The following PCDHGB1 variants were observed in gnomAD, a reference collection of about 807,000 sequenced individuals.
The protein encoded by PCDHGB1 is protocadherin gamma-B1.
PCDHGB1 carries 34 observed loss-of-function variants against 56.6 expected under a neutral mutation model. That is an observed-to-expected ratio of 0.60 (90% CI 0.46 to 0.80). PCDHGB1 has a LOEUF of 0.80. Among genes scored for constraint, PCDHGB1 ranks in the 30% least tolerant of loss-of-function variants. The probability of loss-of-function intolerance (pLI) is 0.00; values close to 1 mark genes in which losing one functional copy is unlikely to be tolerated. For synonymous variants in PCDHGB1, 561 were observed against 505.9 expected, an observed-to-expected ratio of 1.11 and a Z score of -1.46; for missense variants, 1,278 against 1,204.6, an observed-to-expected ratio of 1.06 and a Z score of -0.90.
rs752401867 is a variant in PCDHGB1, at chr5:141,511,224, G to A, written c.*51G>A. On this transcript the variant is annotated 3_prime_UTR_variant, in exon 4 of 4. Transcript: ENST00000523390. ...GGGCGGCCTCTCCCCAACCAGCCCA[G>A]CTTCTCCTTACCTGCACCCAGGCCT... 1.2e-6 allele frequency: 2 copies of A among 1,603,276 alleles called. No homozygotes were observed.
At chr5:141,388,580 G>T (rs376569160) in intron 1 of PCDHGB1, 1 of 1,613,868 alleles carries the variant, frequency 6.2e-7, no homozygotes, top group Admixed American at 1.7e-5. Flanking sequence ...ACGTTCTAGT[G>T]ACTGATGCCA....
intron 1 of PCDHGB1, chr5:141,392,124 A>G (rs1448052063): frequency 1.3e-5 from 2 of 152,226 alleles, no homozygotes; most frequent in Admixed American, 1.3e-4. Flanking sequence ...GAAAGCTTGT[A>G]AAATGATTAA....
rs757947581 is a variant in PCDHGB1 at position 141,361,996 on chromosome 5, T to G, written c.2409+9327T>G. 7 of 1,603,066 alleles carry G rather than the reference T, an allele frequency of 4.4e-6. No individual in the cohort carries two copies. The African/African-American group carries it at 8.0e-5, about 18-fold the overall frequency. ...CGAGCCCGGGCTCTTCAGCCTGGGG[T>G]TGCGCACGGGTGAGGTGCGCACAGC... is the stretch of plus-strand genomic sequence containing the variant. On this transcript the variant is annotated intron_variant, in intron 1 of 3. Transcript: ENST00000523390.
chr5:141,390,346 A>C, intron 1 of PCDHGB1: 1 of 1,576,446 alleles, frequency 6.3e-7, no homozygotes, highest in African/African-American at 1.4e-5. Context: ...TCACAAGAAA[A>C]TATACATATT....
chr5:141,399,590 T>G, intron 1 of PCDHGB1: 1 of 1,613,972 alleles, frequency 6.2e-7, no homozygotes, highest in East Asian at 2.2e-5. Context: ...TACTCTATCA[T>G]GGCCAGCGAC....
At chr5:141,452,281 T>C (rs948141174) in intron 1 of PCDHGB1, among the ~76,000 whole-genome samples, 1 of 152,232 alleles carries the variant, frequency 6.6e-6, no homozygotes, top group African/African-American at 2.4e-5. Flanking sequence ...CCTTTCTTAC[T>C]TTCTGATATA....
chr5:141,352,232 C>T lies in PCDHGB1; in HGVS notation c.1972C>T (p.Leu658=). The T allele has an allele frequency of 6.2e-7, 1 of 1,614,086 alleles. No individual in the cohort carries two copies. The highest frequency in any genetic ancestry group is 8.5e-7 in the Non-Finnish European group (1 of 1,179,904). The part of the protein sequence containing the change: ...PPLSATATLH[L]IFADSLQEVL... ...ACTCTCCGCCACCGCCACGCTGCACCTAATCTTCGCGGATAGCCTGCAAGA... is the reference window on the plus strand; with the variant it reads ...ACTCTCCGCCACCGCCACGCTGCACTTAATCTTCGCGGATAGCCTGCAAGA... Residue 658 remains leucine, a synonymous_variant, in exon 1 of 4, where the codon CTA becomes TTA. Coordinates refer to ENST00000523390, the MANE Select transcript of PCDHGB1 (RefSeq NM_018922.3).
At chr5:141,409,988 GC>G in intron 1 of PCDHGB1, 1 of 1,613,278 alleles carries the variant, frequency 6.2e-7, no homozygotes, top group Non-Finnish European at 8.5e-7. Flanking sequence ...AGCGGTGGAC[GC>G]CGACTCGGGA....
At chr5:141,507,558 G>A (rs573728108) in intron 3 of PCDHGB1, among the ~76,000 whole-genome samples, 57 of 152,346 alleles carry the variant, frequency 3.7e-4, no homozygotes, top group African/African-American at 1.3e-3. Context: ...AGTGGCAGGC[G>A]GCTGGGTCTG....
chr5:141,360,377 G>C (rs1761565545), intron 1 of PCDHGB1: 1 of 1,613,920 alleles, frequency 6.2e-7, no homozygotes, highest in African/African-American at 1.3e-5. Context: ...AACCCAGAAA[G>C]CGGAGACTTA....
chr5:141,352,065 A>G lies in PCDHGB1; in HGVS notation c.1805A>G (p.Tyr602Cys), dbSNP rs780687277. Residue 602 changes from tyrosine to cysteine, a missense_variant, in exon 1 of 4, where the codon TAC (tyrosine) becomes TGC (cysteine). By Grantham distance (194) the Tyr-to-Cys change is radical. Coordinates refer to ENST00000523390, the MANE Select transcript of PCDHGB1 (RefSeq NM_018922.3). ...TCAGGACACAACGCTTGGCTGTCCT[A>G]CCACGTGCTGCAGGCCAGCGAGCCC... is the stretch of plus-strand genomic sequence containing the variant. ...ADSGHNAWLS[Y>C]HVLQASEPGL... is the part of the protein sequence containing the mutation. 1.2e-6 allele frequency: 2 copies of G among 1,605,760 alleles called. No homozygotes were observed. Among genetic ancestry groups the G allele is most frequent in the Non-Finnish European group, 1.7e-6 (2 of 1,177,128 alleles).
chr5:141,370,148 C>T, intron 1 of PCDHGB1: 1 of 445,956 alleles, frequency 2.2e-6, no homozygotes, highest in East Asian at 3.3e-5. Flanking sequence ...GTCACCATTA[C>T]TGCAGTTCTG....
chr5:141,395,547 TGTGTGTGTGTG>T (rs750624769), intron 1 of PCDHGB1: 54,616 of 173,956 alleles, frequency 0.31, 7,840 homozygotes, highest in East Asian at 0.41. Context: ...ATTGTTTGTG[TGTGTGTGTGTG>T]TGTGTGTGTG....
intron 1 of PCDHGB1, chr5:141,421,732 C>T: frequency 6.2e-7 from 1 of 1,613,934 alleles, no homozygotes; most frequent in Non-Finnish European, 8.5e-7. Flanking sequence ...GAACTCCCTC[C>T]AGAGCTACCA....
At chr5:141,357,159 T>A (rs372439046) in intron 1 of PCDHGB1, 31 of 1,613,408 alleles carry the variant, frequency 1.9e-5, no homozygotes, top group African/African-American at 6.7e-5. Context: ...GCCAGCCCCC[T>A]CTCTCGGCCA....
At chr5:141,397,024 A>G (rs188506780) in intron 1 of PCDHGB1, among the ~76,000 whole-genome samples, 30 of 152,358 alleles carry the variant, frequency 2.0e-4, no homozygotes, top group African/African-American at 7.2e-4. Flanking sequence ...AAGGTTGACC[A>G]ATGTCCACAA....
At position 141,420,872 on chromosome 5, in the gene PCDHGB1, G is replaced by A. The variant is rs575322685; in HGVS notation, c.2409+68203G>A. 3.3e-5 allele frequency among the ~76,000 whole-genome samples: 5 copies of A among 152,328 alleles called. No homozygotes were observed. The East Asian group carries it at 7.7e-4, about 24-fold the overall frequency. On this transcript the variant is annotated intron_variant, in intron 1 of 3. Coordinates refer to ENST00000523390, the MANE Select transcript of PCDHGB1 (RefSeq NM_018922.3). ...AAAGTTTTAACGTCACATAATGTAA[G>A]TATTGTGTATCATCGTTTTTAAGCT...
chr5:141,369,800 C>T lies in PCDHGB1; in HGVS notation c.2409+17131C>T, dbSNP rs192992906. 3.3e-3 allele frequency among the ~76,000 whole-genome samples: 501 copies of T among 152,282 alleles called. 3 individuals are homozygous for T. Among genetic ancestry groups the T allele is most frequent in the Non-Finnish European group, 5.3e-3 (361 of 68,024 alleles). ...AAGCCTCTTTATACTACGTCTTCTG[C>T]CATCACCAAAAATAGCTTCCATTTG... On this transcript the variant is annotated intron_variant, in intron 1 of 3. Transcript: ENST00000523390.
At chr5:141,441,087 TGACA>T (rs1168679217) in intron 1 of PCDHGB1, 1 of 152,174 alleles carries the variant, frequency 6.6e-6, no homozygotes, top group Non-Finnish European at 1.5e-5. Flanking sequence ...TGGTAGCAAG[TGACA>T]GAGAGGGACT....
Sources: allele counts gnomAD v4.1 joint callset (sites outside exome capture counted in the v4.1 genomes callset), GRCh38; gene constraint gnomAD v4.1.1; transcripts MANE v1.5; gene names NCBI Gene and HGNC (gene_info 2026-07-23, HGNC 2026-07-21).